Variants in DIP2C observed in about 807,000 individuals in gnomAD.
DIP2C encodes the protein DIP2 acetate--CoA ligase C (putative), also known as disco-interacting protein 2 homolog C.
DIP2C carries 33 observed loss-of-function variants against 192.4 expected under a neutral mutation model. The ratio of observed to expected loss-of-function variants is 0.17; its 90% CI spans 0.13 to 0.23. DIP2C has a LOEUF of 0.23. Ranked by LOEUF, DIP2C falls within the 10% of genes least tolerant of loss-of-function variation. The pLI, the probability that DIP2C is intolerant of heterozygous loss-of-function variation, is 1.00. For synonymous variants in DIP2C, 979 were observed against 864.1 expected (o/e 1.13, Z -2.33); for missense variants, 1,537 against 2,110.1 (o/e 0.73, Z 5.32).
At chr10:514,770 G>A (rs111769805) in intron 1 of DIP2C, among the ~76,000 whole-genome samples, 38 of 151,464 alleles carry the variant, frequency 2.5e-4, no homozygotes, top group African/African-American at 8.3e-4. Flanking sequence ...CAACATTCAC[G>A]TAATCACCAC....
intron 35 of DIP2C, chr10:281,900 C>T (rs1954850919): frequency 6.6e-6 from 1 of 152,258 alleles, no homozygotes; most frequent in Non-Finnish European, 1.5e-5. Flanking sequence ...AGAATAATGA[C>T]AATGACAACA....
In DIP2C at chr10:472,530, C is replaced by T. The variant is rs755927736; in HGVS notation, c.177G>A (p.Pro59=). 36 of 1,614,000 alleles carry T rather than the reference C, an allele frequency of 2.2e-5. No individual in the cohort carries two copies. Among genetic ancestry groups the T allele is most frequent in the Admixed American group, 5.0e-5 (3 of 60,000 alleles). The change falls in exon 3 of 37, where the codon CCG becomes CCA. Residue 59 remains proline (P), a synonymous_variant. Coordinates refer to ENST00000280886, the MANE Select transcript of DIP2C (RefSeq NM_014974.3). ...GAGTGACAGGAGCCCGGCGTTCTTG[C>T]GGCAAAGCTTGGTCCACCCCTGGAT... The part of the protein sequence containing the change: ...PQPPRVDQAL[P]QERRAPVTPS...
intron 1 of DIP2C, among the ~76,000 whole-genome samples, chr10:578,037 A>C (rs954498179): frequency 1.3e-5 from 2 of 151,980 alleles, no homozygotes; most frequent in Admixed American, 1.3e-4. Flanking sequence ...AATCCAAATA[A>C]CTACAATCTT....
chr10:568,316 C>T (rs930094309), intron 1 of DIP2C, among the ~76,000 whole-genome samples: 34 of 152,092 alleles, frequency 2.2e-4, no homozygotes, highest in African/African-American at 8.0e-4. Flanking sequence ...GTGAAGATAC[C>T]GACTCATGCG....
At position 674,527 on chromosome 10, in the gene DIP2C, TG is replaced by T. The variant is rs1405528790; in HGVS notation, c.85+14966del. 3.3e-5 allele frequency among the ~76,000 whole-genome samples: 5 copies of T among 151,990 alleles called. No individual in the cohort carries two copies. The East Asian group carries it at 7.7e-4, about 24-fold the overall frequency. On this transcript the variant is annotated intron_variant, in intron 1 of 36. Coordinates refer to ENST00000280886, the MANE Select transcript of DIP2C (RefSeq NM_014974.3). Reference sequence around the variant, plus strand: ...CCTCACACCTGTAATCCCAGCACTTTGGGGGGCAGAGGCAGGTGGATCACCT... The same window carrying T: ...CCTCACACCTGTAATCCCAGCACTTTGGGGGCAGAGGCAGGTGGATCACCT...
intron 1 of DIP2C, among the ~76,000 whole-genome samples, chr10:518,475 A>G (rs1846502292): frequency 2.0e-5 from 3 of 152,300 alleles, no homozygotes; most frequent in Non-Finnish European, 4.4e-5. Flanking sequence ...CCAACGTGAC[A>G]GTGTCAGGAG....
chr10:300,030 C>G (rs557653829), intron 32 of DIP2C, among the ~76,000 whole-genome samples: 1 of 152,098 alleles, frequency 6.6e-6, no homozygotes, highest in African/African-American at 2.4e-5. Context: ...GGTGAGCACA[C>G]GGAGAAACCA....
At chr10:451,072 C>T (rs989592006) in intron 3 of DIP2C, among the ~76,000 whole-genome samples, 1 of 152,204 alleles carries the variant, frequency 6.6e-6, no homozygotes, top group Non-Finnish European at 1.5e-5. Context: ...CAGCACCGGG[C>T]TGTGCTCCCC....
chr10:617,288 C>G lies in DIP2C; in HGVS notation c.85+72206G>C, dbSNP rs1246786009. On this transcript the variant is annotated intron_variant, in intron 1 of 36. Transcript: ENST00000280886. ...ACTGCAAATAGCAGCGGGGTAAGAG[C>G]TGGGCTCTAGGGCCAACGTCCTGGC... is the stretch of plus-strand genomic sequence containing the variant. Among the ~76,000 whole-genome samples, 3 of 151,172 alleles carry G rather than the reference C, an allele frequency of 2.0e-5. No homozygotes were observed. In the Admixed American group the frequency reaches 2.0e-4, roughly 10 times the overall value.
chr10:528,633 G>A (rs1487910351), intron 1 of DIP2C, among the ~76,000 whole-genome samples: 1 of 152,136 alleles, frequency 6.6e-6, no homozygotes, highest in Non-Finnish European at 1.5e-5. Context: ...AGTCTCACTC[G>A]CTGGACTCTC....
chr10:368,444 G>T (rs1193997055), intron 18 of DIP2C, among the ~76,000 whole-genome samples: 1 of 152,256 alleles, frequency 6.6e-6, no homozygotes, highest in Non-Finnish European at 1.5e-5. Flanking sequence ...GGACACAGGG[G>T]CTAGAGGGCT....
chr10:296,114 CTTTAG>C (rs1016408987), intron 32 of DIP2C, among the ~76,000 whole-genome samples: 1 of 152,188 alleles, frequency 6.6e-6, no homozygotes, highest in African/African-American at 2.4e-5. Context: ...TGCAGAAGCT[CTTTAG>C]TTTAATTAGA....
chr10:536,855 A>AC (rs113325459), intron 1 of DIP2C, among the ~76,000 whole-genome samples: 4 of 151,958 alleles, frequency 2.6e-5, no homozygotes, highest in South Asian at 2.1e-4. Flanking sequence ...CATCTTCTTG[A>AC]CCCCCCAGTT....
At chr10:637,016 C>T (rs765183312) in intron 1 of DIP2C, among the ~76,000 whole-genome samples, 2 of 152,256 alleles carry the variant, frequency 1.3e-5, no homozygotes, top group South Asian at 4.1e-4. Flanking sequence ...GGAGGGGCCG[C>T]GGGCAGCCGA....
rs118012663 is a variant in DIP2C, at chr10:419,908, C to T, written c.605-709G>A. 1.2e-3 allele frequency among the ~76,000 whole-genome samples: 183 copies of T among 152,298 alleles called. 1 individual carries two copies. In the East Asian group the frequency reaches 0.023, roughly 19 times the overall value. ...CCCCTGGAGATAAAGTTAAGCCGTA[C>T]GTGGCTGAATGGGGAAAAGCATGCT... is the stretch of plus-strand genomic sequence containing the variant. On this transcript the variant is annotated intron_variant, in intron 5 of 36. Coordinates refer to ENST00000280886, the MANE Select transcript of DIP2C (RefSeq NM_014974.3).
intron 1 of DIP2C, among the ~76,000 whole-genome samples, chr10:585,521 GT>G (rs1850964358): frequency 6.6e-6 from 1 of 152,212 alleles, no homozygotes; most frequent in Non-Finnish European, 1.5e-5. Context: ...CCCAGGTGAT[GT>G]GGGCACACAC....
chr10:613,691 G>C (rs1337908931), intron 1 of DIP2C, among the ~76,000 whole-genome samples: 1 of 152,190 alleles, frequency 6.6e-6, no homozygotes, highest in Non-Finnish European at 1.5e-5. Context: ...GAGAATGGAA[G>C]AACTGTTGCC....
At chr10:595,897 G>A (rs930947051) in intron 1 of DIP2C, among the ~76,000 whole-genome samples, 18 of 152,160 alleles carry the variant, frequency 1.2e-4, no homozygotes, top group African/African-American at 4.1e-4. Context: ...ATAAAGGGAT[G>A]GTTAACAAAC....
chr10:387,674 C>T (rs1963082126), intron 14 of DIP2C, 71 bp downstream of exon 14: 1 of 1,380,750 alleles, frequency 7.2e-7, no homozygotes, highest in Non-Finnish European at 1.0e-6. Flanking sequence ...GAGGGGGACT[C>T]CTGTGTGGAC....
Sources: gnomAD v4.1 joint callset for allele counts (sites outside exome capture counted in the v4.1 genomes callset) on GRCh38, gnomAD v4.1.1 for gene constraint, MANE v1.5 for transcripts, NCBI Gene and HGNC (gene_info 2026-07-23, HGNC 2026-07-21) for gene names.